MYO3B: variants seen among roughly 807,000 people sequenced by gnomAD.
MYO3B encodes myosin-IIIb.
Under a neutral mutation model 174.6 loss-of-function variants are expected in MYO3B, and 156 were observed. That is an observed-to-expected ratio of 0.89 (90% CI 0.78 to 1.02). The LOEUF (loss-of-function observed/expected upper bound fraction) is 1.02. Ranked by LOEUF, MYO3B falls within the 50% of genes least tolerant of loss-of-function variation. The pLI is 0.00. For synonymous variants in MYO3B, 563 were observed against 569.1 expected (o/e 0.99, Z 0.15); for missense variants, 1,632 against 1,639.4 (o/e 1.00, Z 0.08).
At chr2:170,403,948 A>G (rs377537357) in intron 19 of MYO3B, among the ~76,000 whole-genome samples, 1 of 150,834 alleles carries the variant, frequency 6.6e-6, no homozygotes, top group African/African-American at 2.4e-5. Context: ...ACCAAAATAA[A>G]TTTTTTTTTT....
At chr2:170,373,865 G>C (rs1412450464) in intron 9 of MYO3B, among the ~76,000 whole-genome samples, 1 of 151,990 alleles carries the variant, frequency 6.6e-6, no homozygotes. Context: ...TTTCAGAGTT[G>C]GGAGTGGATT....
At chr2:170,208,016 G>A (rs1201236082) in intron 3 of MYO3B, among the ~76,000 whole-genome samples, 1 of 152,184 alleles carries the variant, frequency 6.6e-6, no homozygotes, top group Non-Finnish European at 1.5e-5. Context: ...TCTGCTGTCA[G>A]TAGCCTTTGA....
At chr2:170,246,945 C>G (rs2093197636) in intron 7 of MYO3B, among the ~76,000 whole-genome samples, 1 of 152,184 alleles carries the variant, frequency 6.6e-6, no homozygotes, top group Non-Finnish European at 1.5e-5. Context: ...CTTCAACCCC[C>G]ACTAAGTGGC....
Position 170,405,609 on chromosome 2 carries a change from T to C in MYO3B, c.2496T>C (p.Phe832=). Residue 832 remains phenylalanine, a synonymous_variant, in exon 21 of 35, where the codon TTT becomes TTC. Transcript: ENST00000408978. ...GGCCCAAAGGAGTGGAACTGTGCTT[T>C]GGCATTCAGCATTATGCTGGAAAGG... The part of the protein sequence containing the change: ...FWRPKGVELC[F]GIQHYAGKVL... 1.2e-6 allele frequency: 2 copies of C among 1,614,218 alleles called. No homozygotes were observed. Among genetic ancestry groups the C allele is most frequent in the Admixed American group, 1.7e-5 (1 of 60,028 alleles).
chr2:170,581,626 TA>T (rs1448986852), intron 32 of MYO3B, among the ~76,000 whole-genome samples: 1 of 152,194 alleles, frequency 6.6e-6, no homozygotes, highest in Non-Finnish European at 1.5e-5. Flanking sequence ...AATTTATTTT[TA>T]TATATGATAT....
At chr2:170,322,024 G>T (rs1242976053) in intron 7 of MYO3B, among the ~76,000 whole-genome samples, 2 of 150,098 alleles carry the variant, frequency 1.3e-5, no homozygotes, top group African/African-American at 4.9e-5. Flanking sequence ...TGAGGCAGGA[G>T]AATTGCTTGA....
rs1685295284 is a variant in MYO3B at position 170,476,037 on chromosome 2, C to CA, written c.3014+9327dup. On this transcript the variant is annotated intron_variant, in intron 25 of 34. Coordinates refer to ENST00000408978, the MANE Select transcript of MYO3B (RefSeq NM_138995.5). ...TGGGAGGTTAACTTTGATTATCCTA[C>CA]ACATTCCTTTCCTTTTGAAATGGGA... Among the ~76,000 whole-genome samples the CA allele has an allele frequency of 2.0e-5, 3 of 151,784 alleles. No individual in the cohort carries two copies. In the South Asian group the frequency reaches 6.3e-4, roughly 32 times the overall value.
chr2:170,472,815 C>T (rs1482589639), intron 25 of MYO3B, among the ~76,000 whole-genome samples: 2 of 152,064 alleles, frequency 1.3e-5, no homozygotes, highest in Non-Finnish European at 2.9e-5. Flanking sequence ...GACCCTCCCA[C>T]CTTAGCCTCC....
chr2:170,606,328 C>A (rs948422552), intron 32 of MYO3B, among the ~76,000 whole-genome samples: 1 of 152,184 alleles, frequency 6.6e-6, no homozygotes, highest in African/African-American at 2.4e-5. Flanking sequence ...TCTAGCTACA[C>A]TGGGCAGATC....
Position 170,537,448 on chromosome 2 carries a change from A to ATTTTTTTT in MYO3B, c.3576-5432_3576-5425dup, listed in dbSNP as rs559086883. ...ACCTTCTCTTATTAAGAGCTCTTTG[A>ATTTTTTTT]TTTTTTTTTTTTTTTTTTTTTTTTT... On this transcript the variant is annotated intron_variant, in intron 30 of 34. Transcript: ENST00000408978. Among the ~76,000 whole-genome samples, 428 of 54,812 alleles carry ATTTTTTTT rather than the reference A, an allele frequency of 7.8e-3. 102 individuals are homozygous for ATTTTTTTT. Among genetic ancestry groups the ATTTTTTTT allele is most frequent in the African/African-American group, 0.026 (322 of 12,282 alleles). 36.0% of individuals were successfully genotyped at this position (54,812 alleles called of 152,430 possible).
chr2:170,544,648 A>G lies in MYO3B; in HGVS notation c.3733+660A>G, dbSNP rs150998796. Among the ~76,000 whole-genome samples the G allele has an allele frequency of 2.8e-3, 426 of 152,352 alleles. 2 individuals are homozygous for G. Among genetic ancestry groups the G allele is most frequent in the African/African-American group, 9.8e-3 (407 of 41,576 alleles). ...CATCTATTTTTCTGAAATATAAAGT[A>G]ATTTCTCAGATCTCTTCAATTTTCT... On this transcript the variant is annotated intron_variant, in intron 32 of 34. Coordinates refer to ENST00000408978, the MANE Select transcript of MYO3B (RefSeq NM_138995.5).
At chr2:170,240,131 T>A (rs1413861769) in intron 7 of MYO3B, among the ~76,000 whole-genome samples, 1 of 152,212 alleles carries the variant, frequency 6.6e-6, no homozygotes, top group African/African-American at 2.4e-5. Flanking sequence ...TGGGGATCCT[T>A]GCCTTAATTA....
intron 23 of MYO3B, among the ~76,000 whole-genome samples, chr2:170,450,918 C>G (rs1281613273): frequency 6.6e-6 from 1 of 152,104 alleles, no homozygotes; most frequent in Admixed American, 6.6e-5. Context: ...TAAACAATTC[C>G]CTTCAACTCT....
intron 7 of MYO3B, among the ~76,000 whole-genome samples, chr2:170,310,178 A>G (rs1185140456): frequency 6.6e-6 from 1 of 152,224 alleles, no homozygotes; most frequent in Non-Finnish European, 1.5e-5. Context: ...ATTGATGAAC[A>G]TTTGAGCTCT....
chr2:170,226,125 GC>G (rs2092949578), intron 6 of MYO3B, among the ~76,000 whole-genome samples: 2 of 152,280 alleles, frequency 1.3e-5, no homozygotes, highest in South Asian at 4.2e-4. Flanking sequence ...TAATGTTGAT[GC>G]CGTGGCTGCT....
At chr2:170,281,884 G>T (rs1453861475) in intron 7 of MYO3B, among the ~76,000 whole-genome samples, 1 of 152,084 alleles carries the variant, frequency 6.6e-6, no homozygotes, top group East Asian at 1.9e-4. Flanking sequence ...TGACGGGAAT[G>T]TTACCACTGA....
At chr2:170,439,808 G>A (rs1166757535) in intron 22 of MYO3B, among the ~76,000 whole-genome samples, 1 of 152,122 alleles carries the variant, frequency 6.6e-6, no homozygotes. Flanking sequence ...AGCCTCCCGA[G>A]TAGCTGAGAC....
At chr2:170,302,101 C>T (rs1191272868) in intron 7 of MYO3B, among the ~76,000 whole-genome samples, 1 of 151,958 alleles carries the variant, frequency 6.6e-6, no homozygotes, top group Non-Finnish European at 1.5e-5. Flanking sequence ...CCTTTAGCAG[C>T]TCTCAAAGTT....
chr2:170,638,559 CTGGAGTTACAGCATCT>C (rs1261369344), intron 32 of MYO3B, among the ~76,000 whole-genome samples: 14 of 152,328 alleles, frequency 9.2e-5, no homozygotes, highest in Non-Finnish European at 1.9e-4. Context: ...GGCGATTACT[CTGGAGTTACAGCATCT>C]TAAAGTTGGA....
Sources: gnomAD v4.1 joint callset for allele counts (sites outside exome capture counted in the v4.1 genomes callset) on GRCh38, gnomAD v4.1.1 for gene constraint, MANE v1.5 for transcripts, NCBI Gene and HGNC (gene_info 2026-07-23, HGNC 2026-07-21) for gene names.